The following LRFN2 variants were observed in gnomAD, a reference collection of about 807,000 sequenced individuals.
LRFN2 encodes the protein leucine-rich repeat and fibronectin type-III domain-containing protein 2.
Under a neutral mutation model 37.3 loss-of-function variants are expected in LRFN2, and 18 were observed. That is an observed-to-expected ratio of 0.48 (90% CI 0.33 to 0.72). LRFN2 has a LOEUF of 0.72. Among genes scored for constraint, LRFN2 ranks in the 30% least tolerant of loss-of-function variants. LRFN2 has a pLI of 0.02. For missense variants in LRFN2, 1,006 were observed against 1,060.7 expected, an observed-to-expected ratio of 0.95 and a Z score of 0.72; for synonymous variants, 556 against 466.6, an observed-to-expected ratio of 1.19 and a Z score of -2.47.
At chr6:40,578,191 T>G (rs1767330248) in intron 1 of LRFN2, among the ~76,000 whole-genome samples, 1 of 152,312 alleles carries the variant, frequency 6.6e-6, no homozygotes, top group East Asian at 1.9e-4. Flanking sequence ...AGCCTGCTTC[T>G]CCCCATGCCA....
chr6:40,563,530 G>T (rs998851281), intron 1 of LRFN2, among the ~76,000 whole-genome samples: 5 of 152,136 alleles, frequency 3.3e-5, no homozygotes, highest in Non-Finnish European at 7.4e-5. Flanking sequence ...AACATCACCT[G>T]TTGCTATTTT....
intron 1 of LRFN2, among the ~76,000 whole-genome samples, chr6:40,489,178 T>C (rs1765032218): frequency 6.6e-6 from 1 of 152,162 alleles, no homozygotes; most frequent in Non-Finnish European, 1.5e-5. Context: ...CTGCCTTCTC[T>C]GCATCCCTGC....
At chr6:40,499,271 A>G (rs918453348) in intron 1 of LRFN2, among the ~76,000 whole-genome samples, 1 of 152,178 alleles carries the variant, frequency 6.6e-6, no homozygotes, top group Admixed American at 6.5e-5. Context: ...AGCCCTGATG[A>G]TGCCGTTCAA....
intron 2 of LRFN2, among the ~76,000 whole-genome samples, chr6:40,411,516 G>A (rs1762967147): frequency 6.6e-6 from 1 of 152,202 alleles, no homozygotes; most frequent in South Asian, 2.1e-4. Flanking sequence ...CCTTACAAAG[G>A]CCACATGGCC....
At chr6:40,419,736 G>A (rs911464130) in intron 2 of LRFN2, among the ~76,000 whole-genome samples, 7 of 151,752 alleles carry the variant, frequency 4.6e-5, no homozygotes, top group East Asian at 3.9e-4. Context: ...CCCTGACCCC[G>A]CACAGCCTCC....
At chr6:40,498,385 C>A (rs546674118) in intron 1 of LRFN2, among the ~76,000 whole-genome samples, 210 of 152,196 alleles carry the variant, frequency 1.4e-3, no homozygotes, top group African/African-American at 4.6e-3. Flanking sequence ...GGGCCATTGG[C>A]GGAGAGTCCA....
intron 2 of LRFN2, among the ~76,000 whole-genome samples, chr6:40,396,686 CTGTGTGTGTGTGTGTGTGTGTG>C (rs3997706): frequency 5.9e-5 from 8 of 135,128 alleles, no homozygotes; most frequent in South Asian, 5.1e-4. Context: ...TTCCTCTGCT[CTGTGTGTGTGTGTGTGTGTGTG>C]TGTGTGTGTG....
At chr6:40,399,676 C>T (rs752151267) in intron 2 of LRFN2, among the ~76,000 whole-genome samples, 1 of 151,562 alleles carries the variant, frequency 6.6e-6, no homozygotes, top group Non-Finnish European at 1.5e-5. Flanking sequence ...GAGCTCAGAC[C>T]ATCCGCCCGC....
chr6:40,454,151 C>T (rs1764184492), intron 1 of LRFN2, among the ~76,000 whole-genome samples: 1 of 152,194 alleles, frequency 6.6e-6, no homozygotes, highest in Admixed American at 6.5e-5. Flanking sequence ...AAGGAAAACA[C>T]TTTAATTTCA....
intron 1 of LRFN2, among the ~76,000 whole-genome samples, chr6:40,453,158 CT>C (rs1378866294): frequency 2.0e-5 from 3 of 152,122 alleles, no homozygotes; most frequent in Non-Finnish European, 4.4e-5. Flanking sequence ...AACATAAAGT[CT>C]TTTCCTGTTG....
intron 1 of LRFN2, among the ~76,000 whole-genome samples, chr6:40,435,918 C>T (rs1763662240): frequency 6.6e-6 from 1 of 151,970 alleles, no homozygotes; most frequent in Non-Finnish European, 1.5e-5. Flanking sequence ...AATCTCCTAC[C>T]TGAGACCCTT....
intron 1 of LRFN2, among the ~76,000 whole-genome samples, chr6:40,466,063 G>C (rs1343817031): frequency 1.3e-5 from 2 of 152,150 alleles, no homozygotes; most frequent in Non-Finnish European, 2.9e-5. Context: ...AAGACTTGAG[G>C]CTCTCAGCTA....
chr6:40,417,540 A>G (rs1448112289), intron 2 of LRFN2, among the ~76,000 whole-genome samples: 1 of 151,824 alleles, frequency 6.6e-6, no homozygotes, highest in Admixed American at 6.6e-5. Flanking sequence ...ATAAATAATT[A>G]CTCCCTATCA....
chr6:40,439,029 G>T (rs1763763537), intron 1 of LRFN2, among the ~76,000 whole-genome samples: 1 of 152,118 alleles, frequency 6.6e-6, no homozygotes. Context: ...TTGACCACAG[G>T]CTTTCCCCCC....
intron 2 of LRFN2, 94 bp downstream of exon 2, chr6:40,431,620 G>T: frequency 9.2e-7 from 1 of 1,089,898 alleles, no homozygotes; most frequent in Non-Finnish European, 1.3e-6. Flanking sequence ...TTGGGGAAGA[G>T]GGGTATAGGT....
At chr6:40,479,782 A>G (rs976433698) in intron 1 of LRFN2, among the ~76,000 whole-genome samples, 1 of 152,166 alleles carries the variant, frequency 6.6e-6, no homozygotes, top group Non-Finnish European at 1.5e-5. Context: ...CATGGGCTCC[A>G]TTTGGGGGTT....
chr6:40,558,694 C>T (rs2113928071), intron 1 of LRFN2, among the ~76,000 whole-genome samples: 1 of 152,296 alleles, frequency 6.6e-6, no homozygotes, highest in South Asian at 2.1e-4. Context: ...ATTGTTAGCA[C>T]CTGTTCCTAA....
At chr6:40,421,342 G>A (rs754864581) in intron 2 of LRFN2, among the ~76,000 whole-genome samples, 3 of 152,304 alleles carry the variant, frequency 2.0e-5, no homozygotes, top group Non-Finnish European at 4.4e-5. Context: ...CTGGAGACAC[G>A]TGCCCAAGGT....
At chr6:40,583,149 TC>T (rs1767435241) in intron 1 of LRFN2, among the ~76,000 whole-genome samples, 1 of 151,570 alleles carries the variant, frequency 6.6e-6, no homozygotes, top group African/African-American at 2.4e-5. Flanking sequence ...GAGAACTTAA[TC>T]TTTTGATATA....
Sources: gnomAD v4.1 joint callset for allele counts (sites outside exome capture counted in the v4.1 genomes callset) on GRCh38, gnomAD v4.1.1 for gene constraint, MANE v1.5 for transcripts, NCBI Gene and HGNC (gene_info 2026-07-23, HGNC 2026-07-21) for gene names.